The following TANC1 variants were observed in gnomAD, a reference collection of about 807,000 sequenced individuals.
TANC1 encodes the protein tetratricopeptide repeat, ankyrin repeat and coiled-coil containing 1.
In TANC1, 77 loss-of-function variants were observed where a neutral mutation model predicts 149.7. The ratio of observed to expected loss-of-function variants is 0.51; its 90% CI spans 0.43 to 0.62. TANC1 has a LOEUF of 0.62. TANC1 is among the 20% of genes least tolerant of loss of function. TANC1 has a pLI of 0.00. For missense variants in TANC1, 1,985 were observed against 2,321.8 expected (o/e 0.85, Z 2.98); for synonymous variants, 854 against 925.0 (o/e 0.92, Z 1.39).
intron 14 of TANC1, among the ~76,000 whole-genome samples, chr2:159,182,163 C>A (rs1437034567): frequency 1.3e-5 from 2 of 151,850 alleles, no homozygotes; most frequent in South Asian, 2.1e-4. Context: ...GAGTCGAGAT[C>A]GTGCCACTAC....
At chr2:159,127,258 A>G (rs570391814) in intron 4 of TANC1, among the ~76,000 whole-genome samples, 14 of 152,358 alleles carry the variant, frequency 9.2e-5, no homozygotes, top group African/African-American at 2.9e-4. Flanking sequence ...CAGAACCACA[A>G]TGAGATACCA....
At chr2:159,139,280 A>G (rs188054910) in intron 5 of TANC1, among the ~76,000 whole-genome samples, 1 of 152,332 alleles carries the variant, frequency 6.6e-6, no homozygotes, top group African/African-American at 2.4e-5. Context: ...CTATCTTAGT[A>G]TGTTTAAATA....
intron 25 of TANC1, 150 bp from the exon 26 acceptor site, chr2:159,228,646 C>T: frequency 6.1e-6 from 4 of 658,204 alleles, no homozygotes; most frequent in Non-Finnish European, 1.1e-5. Context: ...TATCTCCTCA[C>T]TTTAAAACAA....
chr2:159,056,296 TTTTTATTTA>T (rs2041845588), intron 2 of TANC1: 1 of 198,746 alleles, frequency 5.0e-6, no homozygotes, highest in Non-Finnish European at 1.1e-5. Context: ...TCAGGGTTGG[TTTTTATTTA>T]TTTTATTTAT....
rs1380849924 is a variant in TANC1 at position 159,103,048 on chromosome 2, A to G, written c.259+5214A>G. On this transcript the variant is annotated intron_variant, in intron 4 of 26. Coordinates refer to ENST00000263635, the MANE Select transcript of TANC1 (RefSeq NM_033394.3). ...CTTACTTTTTAAAAAAATTTTTAGC[A>G]TGTTATAATGTTTTCGCTATTCCTG... Among the ~76,000 whole-genome samples, 5 of 95,616 alleles carry G rather than the reference A, an allele frequency of 5.2e-5. 2 individuals carry two copies. Among genetic ancestry groups the G allele is most frequent in the African/African-American group, 8.7e-5 (3 of 34,500 alleles). 62.7% of individuals were successfully genotyped at this position (95,616 alleles called of 152,430 possible).
rs144709656 is a variant in TANC1, at chr2:158,982,849, C to T, written c.-126+14067C>T. Among the ~76,000 whole-genome samples, 86 of 152,170 alleles carry T rather than the reference C, an allele frequency of 5.7e-4. 1 individual carries two copies. The East Asian group carries it at 0.014, about 25-fold the overall frequency. On this transcript the variant is annotated intron_variant, in intron 1 of 26. Coordinates refer to ENST00000263635, the MANE Select transcript of TANC1 (RefSeq NM_033394.3). The stretch of plus-strand genomic sequence containing the variant: ...ATGTCACCCAGGCTGGTCTCGAATG[C>T]CTGGGCTCAAGCAGTCTTCCTGCCT...
At chr2:159,179,428 G>C (rs62171130) in intron 14 of TANC1, among the ~76,000 whole-genome samples, 4,656 of 152,088 alleles carry the variant, frequency 0.031, 96 homozygotes, top group African/African-American at 0.055. Context: ...GTGCCTGTGT[G>C]GTCCTTCCTT....
At chr2:159,026,052 G>C (rs1486427515) in intron 2 of TANC1, among the ~76,000 whole-genome samples, 1 of 152,182 alleles carries the variant, frequency 6.6e-6, no homozygotes, top group Non-Finnish European at 1.5e-5. Context: ...TCTTGCCTCA[G>C]CTTCCCAATG....
chr2:159,193,799 G>A (rs2057648639), intron 16 of TANC1, among the ~76,000 whole-genome samples: 1 of 152,140 alleles, frequency 6.6e-6, no homozygotes, highest in South Asian at 2.1e-4. Context: ...GGAATTACAG[G>A]CGTGAGCCAC....
At chr2:158,981,501 ATAT>A (rs2034342343) in intron 1 of TANC1, among the ~76,000 whole-genome samples, 1 of 43,536 alleles carries the variant, frequency 2.3e-5, no homozygotes, top group South Asian at 1.3e-3. Flanking sequence ...TTATATATAT[ATAT>A]ATATATATAT....
chr2:159,082,076 C>G (rs932157149), intron 3 of TANC1, among the ~76,000 whole-genome samples: 2 of 152,286 alleles, frequency 1.3e-5, no homozygotes, highest in African/African-American at 4.8e-5. Context: ...TCTGCCCCAT[C>G]TGGGGGTGCC....
chr2:159,119,213 A>G (rs988066517), intron 4 of TANC1, among the ~76,000 whole-genome samples: 1 of 152,242 alleles, frequency 6.6e-6, no homozygotes, highest in Non-Finnish European at 1.5e-5. Context: ...GAGCCTATGT[A>G]GGAAGTAGCC....
At chr2:159,109,002 C>T (rs555638847) in intron 4 of TANC1, among the ~76,000 whole-genome samples, 1 of 152,304 alleles carries the variant, frequency 6.6e-6, no homozygotes, top group South Asian at 2.1e-4. Flanking sequence ...AAACACTCTT[C>T]AAAGGAGATG....
At chr2:159,085,136 T>G (rs2044705259) in intron 3 of TANC1, among the ~76,000 whole-genome samples, 1 of 152,184 alleles carries the variant, frequency 6.6e-6, no homozygotes, top group Non-Finnish European at 1.5e-5. Flanking sequence ...CTGGGAAGAC[T>G]GGGTGAGTCC....
intron 19 of TANC1, among the ~76,000 whole-genome samples, chr2:159,201,925 G>A (rs545487681): frequency 8.5e-5 from 13 of 152,202 alleles, no homozygotes; most frequent in Non-Finnish European, 1.6e-4. Flanking sequence ...GGATACCCCC[G>A]TTAGGAGGAC....
rs759185107 is a variant in TANC1 at position 159,228,868 on chromosome 2, G to A, written c.4123G>A (p.Ala1375Thr). The A allele has an allele frequency of 6.2e-7, 1 of 1,614,096 alleles. No individual in the cohort carries two copies. The highest frequency in any genetic ancestry group is 8.5e-7 in the Non-Finnish European group (1 of 1,179,970). ...GCCCAAGTCCTATGAAGCCTTTTAT[G>A]CCAGAGCAAGAGCGAAGAGAAATAG... ...LKPKSYEAFY[A>T]RARAKRNSRQ... The change falls in exon 26 of 27, where the codon GCC (alanine) becomes ACC (threonine). Residue 1375 changes from alanine to threonine, a missense_variant. Physicochemically the swap from Ala to Thr is moderately conservative, Grantham distance 58. This residue lies in a region of TANC1 where 920 missense variants were observed against 994.7 expected (regional missense o/e 0.92). Transcript: ENST00000263635.
intron 7 of TANC1, among the ~76,000 whole-genome samples, chr2:159,162,888 T>C (rs1256970257): frequency 6.6e-6 from 1 of 152,164 alleles, no homozygotes; most frequent in Non-Finnish European, 1.5e-5. Context: ...CCAGCAAATG[T>C]TTTTAATTTG....
At chr2:159,110,264 G>A (rs2047594120) in intron 4 of TANC1, among the ~76,000 whole-genome samples, 1 of 152,172 alleles carries the variant, frequency 6.6e-6, no homozygotes, top group African/African-American at 2.4e-5. Flanking sequence ...TATATGTATA[G>A]GAAAAAGCAT....
intron 5 of TANC1, among the ~76,000 whole-genome samples, chr2:159,143,781 A>G (rs1036309774): frequency 2.6e-5 from 4 of 152,096 alleles, no homozygotes; most frequent in African/African-American, 9.7e-5. Flanking sequence ...ATTTAATTGC[A>G]CATTAAAGTT....
Sources: allele counts gnomAD v4.1 joint callset (sites outside exome capture counted in the v4.1 genomes callset), GRCh38; gene constraint gnomAD v4.1.1; regional missense constraint gnomAD v4.1.1; transcripts MANE v1.5; gene names NCBI Gene and HGNC (gene_info 2026-07-23, HGNC 2026-07-21).